DPYSL3: variants seen among roughly 807,000 people sequenced by gnomAD.
DPYSL3 encodes dihydropyrimidinase-related protein 3.
In DPYSL3, 16 loss-of-function variants were observed where a neutral mutation model predicts 66.1. The ratio of observed to expected loss-of-function variants is 0.24; its 90% CI spans 0.16 to 0.37. The LOEUF is 0.37. Among genes scored for constraint, DPYSL3 ranks in the 10% least tolerant of loss-of-function variants. DPYSL3 has a pLI of 1.00. For synonymous variants in DPYSL3, 338 were observed against 345.1 expected (o/e 0.98, Z 0.23); for missense variants, 738 against 916.2 (o/e 0.81, Z 2.51).
rs1757846778 is a variant in DPYSL3 at position 147,392,675 on chromosome 5, C to G, written c.*1360G>C. 6.6e-6 allele frequency: 1 copy of G among 152,288 alleles called. No homozygotes were observed. The highest frequency in any genetic ancestry group is 2.4e-5 in the African/African-American group (1 of 41,572). The allele number at this position is 152,288 out of a possible 1,614,324, so 9.4% of individuals were successfully genotyped here. A position where few individuals can be genotyped will look rare whatever the true frequency, so the allele number is the denominator to read the frequency against. ...TTCAACTCTGACAGACAAGGTAGATCGAAGCACCCACACTAATTTCTTTCA... is the reference window on the plus strand; with the variant it reads ...TTCAACTCTGACAGACAAGGTAGATGGAAGCACCCACACTAATTTCTTTCA... On this transcript the variant is annotated 3_prime_UTR_variant, in exon 14 of 14. Coordinates refer to ENST00000343218, the MANE Select transcript of DPYSL3 (RefSeq NM_001197294.2).
intron 1 of DPYSL3, among the ~76,000 whole-genome samples, chr5:147,488,528 G>T: frequency 6.6e-6 from 1 of 151,896 alleles, no homozygotes; most frequent in Non-Finnish European, 1.5e-5. Context: ...ACCAGCCTGG[G>T]CAACATAGGG....
chr5:147,496,236 A>C (rs1331274916), intron 1 of DPYSL3, among the ~76,000 whole-genome samples: 1 of 152,240 alleles, frequency 6.6e-6, no homozygotes, highest in Non-Finnish European at 1.5e-5. Flanking sequence ...TACATCTTAT[A>C]CAAAAATTAA....
intron 1 of DPYSL3, among the ~76,000 whole-genome samples, chr5:147,456,432 A>G (rs867427129): frequency 1.6e-4 from 24 of 151,432 alleles, no homozygotes; most frequent in Middle Eastern, 3.4e-3. Context: ...TGGCTACCAC[A>G]CCTGCCACAC....
At chr5:147,416,196 T>G (rs1751964440) in intron 3 of DPYSL3, among the ~76,000 whole-genome samples, 1 of 152,188 alleles carries the variant, frequency 6.6e-6, no homozygotes, top group South Asian at 2.1e-4. Flanking sequence ...GCATGTAAAG[T>G]ACTTCATCTA....
At position 147,471,801 on chromosome 5, in the gene DPYSL3, C is replaced by T. The variant is rs17106773; in HGVS notation, c.381+37677G>A. 9.0e-3 allele frequency among the ~76,000 whole-genome samples: 1,363 copies of T among 152,222 alleles called. 9 individuals are homozygous for T. Among genetic ancestry groups the T allele is most frequent in the South Asian group, 0.034 (163 of 4,818 alleles). ...CAACTTTAGGATAGAAACTCTATAA[C>T]AAGAGCGTGAGAGAATAGATTGAGA... is the stretch of plus-strand genomic sequence containing the variant. On this transcript the variant is annotated intron_variant, in intron 1 of 13. Coordinates refer to ENST00000343218, the MANE Select transcript of DPYSL3 (RefSeq NM_001197294.2).
At chr5:147,470,750 A>G (rs918248328) in intron 1 of DPYSL3, among the ~76,000 whole-genome samples, 2 of 152,032 alleles carry the variant, frequency 1.3e-5, no homozygotes, top group African/African-American at 4.8e-5. Flanking sequence ...TGCCCAAATC[A>G]TACCCTCTGC....
At chr5:147,446,900 T>G (rs1421117213) in intron 1 of DPYSL3, among the ~76,000 whole-genome samples, 3 of 152,180 alleles carry the variant, frequency 2.0e-5, no homozygotes, top group Non-Finnish European at 4.4e-5. Flanking sequence ...AGCTAACAGG[T>G]GTGGACAGCT....
At chr5:147,416,712 C>T (rs978429753) in intron 3 of DPYSL3, among the ~76,000 whole-genome samples, 25 of 152,132 alleles carry the variant, frequency 1.6e-4, no homozygotes, top group African/African-American at 5.8e-4. Context: ...TATTCCCACA[C>T]CTACGAATTA....
At chr5:147,459,095 A>G (rs1581205628) in intron 1 of DPYSL3, among the ~76,000 whole-genome samples, 1 of 152,044 alleles carries the variant, frequency 6.6e-6, no homozygotes, top group Admixed American at 6.5e-5. Flanking sequence ...CAATGGGAAA[A>G]GGGGGAGATT....
At chr5:147,484,032 G>T (rs1753290639) in intron 1 of DPYSL3, among the ~76,000 whole-genome samples, 2 of 152,176 alleles carry the variant, frequency 1.3e-5, no homozygotes, top group African/African-American at 4.8e-5. Context: ...CTGTCTGTCT[G>T]TCTGTGGCTA....
chr5:147,438,463 A>C (rs1308075974), intron 1 of DPYSL3, among the ~76,000 whole-genome samples: 1 of 152,228 alleles, frequency 6.6e-6, no homozygotes, highest in Non-Finnish European at 1.5e-5. Context: ...CCTTCAATAA[A>C]GATCTAAGGC....
intron 12 of DPYSL3, 25 bp from the exon 13 acceptor site, chr5:147,395,746 CCATT>C: frequency 6.2e-7 from 1 of 1,612,040 alleles, no homozygotes. Context: ...GAGCATGTCA[CCATT>C]CATTCATTCA....
chr5:147,421,348 C>A (rs181390076), intron 2 of DPYSL3, among the ~76,000 whole-genome samples: 1 of 152,038 alleles, frequency 6.6e-6, no homozygotes, highest in African/African-American at 2.4e-5. Flanking sequence ...TAATCCACTG[C>A]TCAAGGAAAT....
chr5:147,413,730 C>T, intron 4 of DPYSL3, 73 bp from the exon 5 acceptor site: 1 of 1,263,006 alleles, frequency 7.9e-7, no homozygotes, highest in Non-Finnish European at 1.1e-6. Flanking sequence ...CCTTTGCTCC[C>T]ACTTCCATCG....
At chr5:147,407,642 G>A (rs1282792348) in intron 7 of DPYSL3, among the ~76,000 whole-genome samples, 3 of 152,128 alleles carry the variant, frequency 2.0e-5, no homozygotes, top group East Asian at 1.9e-4. Context: ...ACAGAGCAGC[G>A]GCAGCGAGAA....
intron 1 of DPYSL3, among the ~76,000 whole-genome samples, chr5:147,449,020 G>C (rs1282285739): frequency 6.6e-6 from 1 of 152,102 alleles, no homozygotes; most frequent in Admixed American, 6.5e-5. Context: ...AGAGAGAGCT[G>C]GTTTTCTGTG....
chr5:147,395,994 AG>A (rs1757960004), intron 12 of DPYSL3, among the ~76,000 whole-genome samples: 2 of 152,100 alleles, frequency 1.3e-5, no homozygotes, highest in Admixed American at 6.5e-5. Context: ...GGGTTGCCAG[AG>A]GGAGGAGGTT....
chr5:147,412,743 GA>G, intron 5 of DPYSL3, 55 bp from the exon 6 acceptor site: 1 of 1,506,970 alleles, frequency 6.6e-7, no homozygotes, highest in Middle Eastern at 1.7e-4. Context: ...CAGCCCCACA[GA>G]AGGGCCAATT....
chr5:147,482,840 C>T (rs1038894520), intron 1 of DPYSL3, among the ~76,000 whole-genome samples: 2 of 152,016 alleles, frequency 1.3e-5, no homozygotes, highest in African/African-American at 4.8e-5. Context: ...GCTGGGGAAG[C>T]CAAAGGAAAC....
Sources: gnomAD v4.1 joint callset for allele counts (sites outside exome capture counted in the v4.1 genomes callset) on GRCh38, gnomAD v4.1.1 for gene constraint, MANE v1.5 for transcripts, NCBI Gene and HGNC (gene_info 2026-07-23, HGNC 2026-07-21) for gene names.